The following GFPT1 variants were observed in gnomAD, a reference collection of about 807,000 sequenced individuals.
GFPT1 encodes glutamine--fructose-6-phosphate transaminase 1, also known as glutamine--fructose-6-phosphate aminotransferase [isomerizing] 1.
Under a neutral mutation model 92.0 loss-of-function variants are expected in GFPT1, and 40 were observed. That is an observed-to-expected ratio of 0.43 (90% CI 0.34 to 0.57). The LOEUF is 0.57. GFPT1 is among the 20% of genes least tolerant of loss of function. The pLI is 0.02. For missense variants in GFPT1, 448 were observed against 869.1 expected, an observed-to-expected ratio of 0.52 and a Z score of 6.09; for synonymous variants, 269 against 280.6, an observed-to-expected ratio of 0.96 and a Z score of 0.41.
intron 2 of GFPT1, among the ~76,000 whole-genome samples, chr2:69,370,866 T>C (rs1021177070): frequency 2.0e-5 from 3 of 151,242 alleles, no homozygotes; most frequent in Non-Finnish European, 4.4e-5. Context: ...AAAAACAGAG[T>C]GGGCATGCCT....
chr2:69,337,457 A>C (rs945117887), intron 15 of GFPT1, among the ~76,000 whole-genome samples: 1 of 152,234 alleles, frequency 6.6e-6, no homozygotes. Context: ...AACCATAAAT[A>C]GGTAAATAAA....
chr2:69,364,151 G>A (rs781772002), intron 3 of GFPT1, among the ~76,000 whole-genome samples: 8 of 150,862 alleles, frequency 5.3e-5, no homozygotes, highest in Admixed American at 1.3e-4. Flanking sequence ...CACATTGTAC[G>A]TCTGTATCAA....
chr2:69,337,053 A>T (rs1670817716), intron 15 of GFPT1, among the ~76,000 whole-genome samples: 1 of 144,784 alleles, frequency 6.9e-6, no homozygotes, highest in Non-Finnish European at 1.5e-5. Context: ...TAATTGCCAA[A>T]TTTTAAATTT....
At chr2:69,356,816 C>T (rs1671349726) in intron 6 of GFPT1, among the ~76,000 whole-genome samples, 1 of 151,494 alleles carries the variant, frequency 6.6e-6, no homozygotes, top group South Asian at 2.1e-4. Context: ...CGGCTCACTG[C>T]AACCCCCAAC....
chr2:69,359,194 C>A (rs1300989507), intron 5 of GFPT1, 74 bp downstream of exon 5: 12 of 816,510 alleles, frequency 1.5e-5, no homozygotes, highest in Non-Finnish European at 2.6e-5. Flanking sequence ...TGTTGCACAT[C>A]CCAACAACCG....
chr2:69,367,087 T>C (rs1479321842), intron 3 of GFPT1, among the ~76,000 whole-genome samples: 2 of 152,236 alleles, frequency 1.3e-5, no homozygotes, highest in African/African-American at 2.4e-5. Flanking sequence ...AAAAATGCAG[T>C]TGATAACCTC....
chr2:69,380,625 C>T (rs989560389), intron 1 of GFPT1, among the ~76,000 whole-genome samples: 1 of 152,198 alleles, frequency 6.6e-6, no homozygotes, highest in Non-Finnish European at 1.5e-5. Flanking sequence ...GTACTTCCTG[C>T]TCACAATCTT....
At chr2:69,354,694 A>G in intron 7 of GFPT1, 126 bp from the exon 8 acceptor site, 1 of 704,982 alleles carries the variant, frequency 1.4e-6, no homozygotes, top group Non-Finnish European at 2.6e-6. Flanking sequence ...CTTCAGATAT[A>G]AGAACTAGAT....
At position 69,325,106 on chromosome 2, in the gene GFPT1, T is replaced by G. The variant is rs886056253; in HGVS notation, c.*1083A>C. On this transcript the variant is annotated 3_prime_UTR_variant, in exon 20 of 20. Coordinates refer to ENST00000357308, the MANE Select transcript of GFPT1 (RefSeq NM_001244710.2). ...TTTTCTGAGCTTAGCCTACCACATA[T>G]ACTTAGAGTGAAATGATGAGGTCAG... The G allele has an allele frequency of 1.3e-5, 2 of 152,192 alleles. No homozygotes were observed. The highest frequency in any genetic ancestry group is 1.5e-5 in the Non-Finnish European group (1 of 68,022). The allele number at this position is 152,192 out of a possible 1,614,324, so 9.4% of individuals were successfully genotyped here. A position where few individuals can be genotyped will look rare whatever the true frequency, so the allele number is the denominator to read the frequency against.
At chr2:69,346,130 T>C (rs1265772829) in intron 11 of GFPT1, 131 bp from the exon 12 acceptor site, 9 of 660,090 alleles carry the variant, frequency 1.4e-5, no homozygotes, top group Admixed American at 2.6e-5. Context: ...TAGACATGAC[T>C]GCCTAAAAGA....
intron 10 of GFPT1, among the ~76,000 whole-genome samples, chr2:69,348,736 C>T (rs1671139692): frequency 6.6e-6 from 1 of 152,194 alleles, no homozygotes; most frequent in East Asian, 1.9e-4. Context: ...CACTTTCTCT[C>T]TGATCTCTCT....
intron 12 of GFPT1, 88 bp from the exon 13 acceptor site, chr2:69,342,337 G>A: frequency 1.2e-6 from 1 of 807,656 alleles, no homozygotes; most frequent in Admixed American, 1.8e-5. Flanking sequence ...CTGCCAATAT[G>A]AGGAAGAATA....
intron 15 of GFPT1, among the ~76,000 whole-genome samples, 199 bp from the exon 16 acceptor site, chr2:69,329,997 C>G (rs576116186): frequency 6.6e-6 from 1 of 152,066 alleles, no homozygotes; most frequent in Non-Finnish European, 1.5e-5. Flanking sequence ...GCAGGGGGAT[C>G]GCTTGAGCTT....
chr2:69,357,633 G>A (rs2104654192), intron 6 of GFPT1, among the ~76,000 whole-genome samples: 2 of 152,336 alleles, frequency 1.3e-5, no homozygotes, highest in Middle Eastern at 3.4e-3. Flanking sequence ...AGAAGTGAGG[G>A]CTGGACCGTA....
intron 19 of GFPT1, 44 bp from the exon 20 acceptor site, chr2:69,326,277 T>C (rs768638120): frequency 3.8e-6 from 5 of 1,321,688 alleles, no homozygotes; most frequent in East Asian, 2.3e-5. Context: ...AGAGATTATA[T>C]AGACTGGGGA....
At chr2:69,386,839 G>A (rs527351328) in intron 1 of GFPT1, among the ~76,000 whole-genome samples, 4 of 152,146 alleles carry the variant, frequency 2.6e-5, no homozygotes, top group Admixed American at 2.6e-4. Flanking sequence ...CCCCGGCAAA[G>A]GGGGCCCGCC....
intron 11 of GFPT1, among the ~76,000 whole-genome samples, chr2:69,346,924 G>C (rs1356287348): frequency 2.6e-5 from 4 of 151,094 alleles, no homozygotes; most frequent in Admixed American, 6.6e-5. Flanking sequence ...GTTTTGTTTT[G>C]TTTGAGACAG....
Position 69,363,770 on chromosome 2 carries a change from GAATATAC to G in GFPT1, c.224-107_224-101del, listed in dbSNP as rs1385149954. 5.9e-6 allele frequency: 5 copies of G among 849,400 alleles called. No homozygotes were observed. The African/African-American group carries it at 6.7e-5, about 11-fold the overall frequency. The allele number at this position is 849,400 out of a possible 1,614,324, so 52.6% of individuals were successfully genotyped here. ...CAATTATTACAATGCTGCTCTCTTGGAATATACAATCACTGAAACTAAAGATCAGGCA... is the reference window on the plus strand; with the variant it reads ...CAATTATTACAATGCTGCTCTCTTGGAATCACTGAAACTAAAGATCAGGCA... On this transcript the variant is annotated intron_variant, in intron 3 of 19. Transcript: ENST00000357308.
At chr2:69,359,066 T>C (rs1442710350) in intron 5 of GFPT1, among the ~76,000 whole-genome samples, 1 of 152,232 alleles carries the variant, frequency 6.6e-6, no homozygotes, top group African/African-American at 2.4e-5. Flanking sequence ...CAAATGCTAA[T>C]CATTTCCTTT....
Sources: gnomAD v4.1 joint callset for allele counts (sites outside exome capture counted in the v4.1 genomes callset) on GRCh38, gnomAD v4.1.1 for gene constraint, MANE v1.5 for transcripts, NCBI Gene and HGNC (gene_info 2026-07-23, HGNC 2026-07-21) for gene names.